LINGO2: variants seen among roughly 807,000 people sequenced by gnomAD.
LINGO2 encodes the protein leucine rich repeat and Ig domain containing 2.
LINGO2 carries 14 observed loss-of-function variants against 30.6 expected under a neutral mutation model. The observed-to-expected ratio is 0.46, with a 90% CI of 0.30 to 0.72. LINGO2 has a LOEUF of 0.72. Among genes scored for constraint, LINGO2 ranks in the 30% least tolerant of loss-of-function variants. The pLI is 0.07. For missense variants in LINGO2, 729 were observed against 751.7 expected, an observed-to-expected ratio of 0.97 and a Z score of 0.35; for synonymous variants, 317 against 288.5, an observed-to-expected ratio of 1.10 and a Z score of -1.00.
the LINGO2 span, among the ~76,000 whole-genome samples, chr9:29,090,983 A>G: frequency 6.6e-6 from 1 of 152,062 alleles, no homozygotes; most frequent in Non-Finnish European, 1.5e-5. Flanking sequence ...ACAGTTATTT[A>G]TATTTCTCTC....
At chr9:29,017,498 A>G in the LINGO2 span, among the ~76,000 whole-genome samples, 146 of 152,266 alleles carry the variant, frequency 9.6e-4, no homozygotes, top group African/African-American at 3.3e-3. Context: ...TATTAAAAAT[A>G]ATAATGGGAG....
At chr9:28,804,817 T>A in the LINGO2 span, among the ~76,000 whole-genome samples, 9 of 152,114 alleles carry the variant, frequency 5.9e-5, no homozygotes, top group African/African-American at 2.2e-4. Context: ...TTTTTACCAT[T>A]TTTATTTCAG....
chr9:28,310,020 T>C (rs1284907178), intron 3 of LINGO2, among the ~76,000 whole-genome samples: 2 of 152,068 alleles, frequency 1.3e-5, no homozygotes, highest in African/African-American at 4.8e-5. Context: ...TTGGCAAGGG[T>C]GTGGAGGAAG....
chr9:28,755,977 G>C, the LINGO2 span, among the ~76,000 whole-genome samples: 1 of 151,960 alleles, frequency 6.6e-6, no homozygotes, highest in African/African-American at 2.4e-5. Flanking sequence ...TAATATATTT[G>C]TAATAAGAAT....
At chr9:28,687,622 G>C in the LINGO2 span, among the ~76,000 whole-genome samples, 1 of 151,940 alleles carries the variant, frequency 6.6e-6, no homozygotes, top group Non-Finnish European at 1.5e-5. Context: ...TCTCAGATCT[G>C]TCTTACACCA....
At chr9:28,687,611 C>G in the LINGO2 span, among the ~76,000 whole-genome samples, 1 of 152,056 alleles carries the variant, frequency 6.6e-6, no homozygotes, top group Admixed American at 6.6e-5. Context: ...TCCTCTTTCT[C>G]TCTCAGATCT....
At chr9:28,790,325 C>CTTTCTTTTTTTT in the LINGO2 span, among the ~76,000 whole-genome samples, 17 of 106,232 alleles carry the variant, frequency 1.6e-4, no homozygotes, top group African/African-American at 4.7e-4. Context: ...TCTTTTCTTT[C>CTTTCTTTTTTTT]TTTTTTTTTT....
chr9:28,821,122 T>C, the LINGO2 span, among the ~76,000 whole-genome samples: 2 of 152,060 alleles, frequency 1.3e-5, no homozygotes, highest in Non-Finnish European at 2.9e-5. Flanking sequence ...TTGGGAAAAA[T>C]AAATAAGTTC....
chr9:28,270,258 G>C (rs542857849), intron 4 of LINGO2, among the ~76,000 whole-genome samples: 1 of 152,170 alleles, frequency 6.6e-6, no homozygotes, highest in African/African-American at 2.4e-5. Flanking sequence ...TGGGGTGATA[G>C]AAATATGGGA....
chr9:29,006,496 C>T, the LINGO2 span, among the ~76,000 whole-genome samples: 3 of 151,888 alleles, frequency 2.0e-5, no homozygotes, highest in African/African-American at 7.3e-5. Context: ...GATCTGGTAC[C>T]AGTATCTTAT....
intron 2 of LINGO2, among the ~76,000 whole-genome samples, chr9:28,378,655 C>G (rs1821223139): frequency 6.6e-6 from 1 of 152,132 alleles, no homozygotes; most frequent in South Asian, 2.1e-4. Flanking sequence ...TGGGATCATT[C>G]ACTATTCTAA....
intron 4 of LINGO2, among the ~76,000 whole-genome samples, chr9:28,207,238 G>C (rs1820439135): frequency 1.3e-5 from 2 of 152,168 alleles, no homozygotes; most frequent in Middle Eastern, 3.5e-3. Context: ...TGAAATTCAA[G>C]TCAAAGAAAG....
At chr9:28,820,084 T>C in the LINGO2 span, among the ~76,000 whole-genome samples, 2 of 152,122 alleles carry the variant, frequency 1.3e-5, no homozygotes, top group Non-Finnish European at 2.9e-5. Context: ...TATCACTCAT[T>C]TTAACCAGGA....
At chr9:28,700,174 G>C in the LINGO2 span, among the ~76,000 whole-genome samples, 5 of 151,922 alleles carry the variant, frequency 3.3e-5, no homozygotes, top group Non-Finnish European at 7.4e-5. Flanking sequence ...AGGCCCAGCT[G>C]TAAAATTCCT....
At chr9:28,354,993 G>GAC (rs1820109949) in intron 3 of LINGO2, among the ~76,000 whole-genome samples, 1 of 152,088 alleles carries the variant, frequency 6.6e-6, no homozygotes, top group Non-Finnish European at 1.5e-5. Context: ...ATCATGATTT[G>GAC]ACACATTTTA....
chr9:28,977,303 T>C, the LINGO2 span, among the ~76,000 whole-genome samples: 2 of 152,148 alleles, frequency 1.3e-5, no homozygotes, highest in South Asian at 4.2e-4. Context: ...ATAAGTTCCT[T>C]TTTTAATCAA....
the LINGO2 span, among the ~76,000 whole-genome samples, chr9:28,886,339 T>A: frequency 2.6e-5 from 4 of 151,972 alleles, no homozygotes; most frequent in Non-Finnish European, 5.9e-5. Flanking sequence ...ATGAAAAAAA[T>A]TTTTAAAACA....
At chr9:29,074,839 CTT>C in the LINGO2 span, among the ~76,000 whole-genome samples, 1 of 146,524 alleles carries the variant, frequency 6.8e-6, no homozygotes, top group Admixed American at 6.8e-5. Context: ...AGCTAATTTG[CTT>C]TTTTTTTTGT....
chr9:28,436,708 T>C (rs1045339024), intron 2 of LINGO2, among the ~76,000 whole-genome samples: 19 of 152,170 alleles, frequency 1.2e-4, no homozygotes, highest in East Asian at 3.9e-4. Context: ...CCGCCCGCCT[T>C]GGCCTCCCAA....
Sources: allele counts gnomAD v4.1 joint callset (sites outside exome capture counted in the v4.1 genomes callset), GRCh38; gene constraint gnomAD v4.1.1; transcripts MANE v1.5; gene names NCBI Gene and HGNC (gene_info 2026-07-23, HGNC 2026-07-21).